Variants in DTNB observed in about 807,000 individuals in gnomAD.
DTNB encodes the protein DTN-B.
In DTNB, 63 loss-of-function variants were observed where a neutral mutation model predicts 90.7. That is an observed-to-expected ratio of 0.69 (90% CI 0.57 to 0.86). DTNB has a LOEUF of 0.86. Among genes scored for constraint, DTNB ranks in the 40% least tolerant of loss-of-function variants. The pLI is 0.00. For synonymous variants in DTNB, 277 were observed against 286.7 expected, an observed-to-expected ratio of 0.97 and a Z score of 0.34; for missense variants, 744 against 807.1, an observed-to-expected ratio of 0.92 and a Z score of 0.95.
intron 8 of DTNB, among the ~76,000 whole-genome samples, chr2:25,568,365 G>A (rs2059350512): frequency 6.6e-6 from 1 of 151,578 alleles, no homozygotes; most frequent in African/African-American, 2.4e-5. Context: ...TGGGAGGGAG[G>A]GAAGGAAGTA....
chr2:25,659,792 C>T (rs1398551827), intron 1 of DTNB, among the ~76,000 whole-genome samples: 1 of 151,904 alleles, frequency 6.6e-6, no homozygotes, highest in Non-Finnish European at 1.5e-5. Flanking sequence ...ATCTGCAAGC[C>T]CAATTCTACA....
intron 2 of DTNB, among the ~76,000 whole-genome samples, chr2:25,641,620 G>A (rs1216476614): frequency 6.6e-6 from 1 of 151,978 alleles, no homozygotes; most frequent in Non-Finnish European, 1.5e-5. Context: ...TGAGATATTG[G>A]CCCAAAGCTG....
chr2:25,474,293 T>TAAA (rs75986575), intron 10 of DTNB, among the ~76,000 whole-genome samples: 1 of 141,750 alleles, frequency 7.1e-6, no homozygotes, highest in Admixed American at 7.1e-5. Flanking sequence ...TTTTCTGTCT[T>TAAA]AAAAAAAAAA....
intron 2 of DTNB, among the ~76,000 whole-genome samples, chr2:25,642,507 C>T (rs978246272): frequency 1.5e-4 from 23 of 151,740 alleles, no homozygotes; most frequent in African/African-American, 5.1e-4. Context: ...CTTGACCTCT[C>T]GGGCTCAGGT....
Position 25,383,820 on chromosome 2 carries a change from G to A in DTNB, c.1879+16C>T, listed in dbSNP as rs751153504. 1 of 1,614,048 alleles carries A rather than the reference G, an allele frequency of 6.2e-7. No homozygotes were observed. Among genetic ancestry groups the A allele is most frequent in the Admixed American group, 1.7e-5 (1 of 60,032 alleles). On this transcript the variant is annotated intron_variant, in intron 19 of 20. Coordinates refer to ENST00000406818, the MANE Select transcript of DTNB (RefSeq NM_021907.5). The stretch of plus-strand genomic sequence containing the variant: ...GCTCCCCATTTAAACGAGCAGTCCT[G>A]CTGAGCTGCCTTTACCTCTGTCTTT...
chr2:25,432,242 CA>C (rs1411950874), intron 14 of DTNB, among the ~76,000 whole-genome samples: 18 of 149,170 alleles, frequency 1.2e-4, no homozygotes, highest in Admixed American at 2.7e-4. Flanking sequence ...CACACACACA[CA>C]CCCCTTTCTA....
intron 14 of DTNB, among the ~76,000 whole-genome samples, chr2:25,429,322 G>A (rs140664764): frequency 9.2e-5 from 14 of 152,202 alleles, no homozygotes; most frequent in South Asian, 4.1e-4. Flanking sequence ...TTATGTGCGT[G>A]GCCTGCATTT....
At chr2:25,659,412 C>T (rs1310893632) in intron 1 of DTNB, among the ~76,000 whole-genome samples, 2 of 150,796 alleles carry the variant, frequency 1.3e-5, no homozygotes, top group Non-Finnish European at 3.0e-5. Context: ...GACCATAATG[C>T]ATTGAAACTA....
chr2:25,566,362 T>C (rs967975163), intron 8 of DTNB, among the ~76,000 whole-genome samples: 1 of 152,190 alleles, frequency 6.6e-6, no homozygotes, highest in African/African-American at 2.4e-5. Context: ...CAGCCTCAAC[T>C]GACACTTCGA....
chr2:25,508,681 T>C (rs1204960357), intron 9 of DTNB, among the ~76,000 whole-genome samples: 1 of 151,990 alleles, frequency 6.6e-6, no homozygotes, highest in African/African-American at 2.4e-5. Context: ...ATTACAGGTG[T>C]GCACCACCAC....
rs755650361 is a variant in DTNB at position 25,387,247 on chromosome 2, G to T, written c.1825+42C>A. 11 of 1,588,094 alleles carry T rather than the reference G, an allele frequency of 6.9e-6. No homozygotes were observed. Among genetic ancestry groups the T allele is most frequent in the Non-Finnish European group, 9.5e-6 (11 of 1,161,500 alleles). On this transcript the variant is annotated intron_variant, in intron 18 of 20. Transcript: ENST00000406818. The surrounding 1 kb of genome is among the most constrained non-coding windows in gnomAD (Gnocchi z 4.5). ...AGGAAGTGAGAAGGGCGCGGGCAAG[G>T]CAGGGGAGGCCAGGAAGCTGGCTGG...
chr2:25,607,490 C>T (rs1293606634), intron 4 of DTNB, among the ~76,000 whole-genome samples, 169 bp from the exon 5 acceptor site: 2 of 151,602 alleles, frequency 1.3e-5, no homozygotes, highest in East Asian at 3.9e-4. Flanking sequence ...AGAATTAAGA[C>T]TTCACCTATG....
intron 8 of DTNB, among the ~76,000 whole-genome samples, chr2:25,565,525 G>A (rs1171692666): frequency 6.6e-6 from 1 of 152,116 alleles, no homozygotes. Context: ...GATTAAAGGT[G>A]TGAGCCACTC....
chr2:25,625,307 G>A (rs890135787), intron 4 of DTNB, among the ~76,000 whole-genome samples: 5 of 152,168 alleles, frequency 3.3e-5, no homozygotes, highest in Admixed American at 1.3e-4. Context: ...AGTATTTAAC[G>A]ACAAAATGCC....
At chr2:25,482,770 A>G (rs1159329097) in intron 10 of DTNB, 26 bp downstream of exon 10, 1 of 1,612,304 alleles carries the variant, frequency 6.2e-7, no homozygotes, top group Non-Finnish European at 8.5e-7. Context: ...GCCAACACCC[A>G]AGTCGAAGGC....
intron 9 of DTNB, among the ~76,000 whole-genome samples, chr2:25,491,474 C>T (rs2067449551): frequency 6.6e-6 from 1 of 152,092 alleles, no homozygotes. Context: ...ATTTGTTGCC[C>T]ATGAGTCAGC....
intron 4 of DTNB, among the ~76,000 whole-genome samples, chr2:25,609,720 A>G (rs2148537509): frequency 6.6e-6 from 1 of 151,226 alleles, no homozygotes; most frequent in East Asian, 1.9e-4. Context: ...AATTAAAAAT[A>G]CCAAGGCTTA....
intron 8 of DTNB, among the ~76,000 whole-genome samples, chr2:25,559,722 C>T (rs1281252032): frequency 2.0e-5 from 3 of 152,160 alleles, no homozygotes; most frequent in Admixed American, 6.5e-5. Context: ...ACAAAATTAA[C>T]TTAAGAATCT....
intron 9 of DTNB, among the ~76,000 whole-genome samples, chr2:25,527,677 A>G (rs1458296586): frequency 6.6e-6 from 1 of 152,192 alleles, no homozygotes; most frequent in Non-Finnish European, 1.5e-5. Flanking sequence ...AATTCCTACC[A>G]ATACAAAATA....
Sources: allele counts gnomAD v4.1 joint callset (sites outside exome capture counted in the v4.1 genomes callset), GRCh38; gene constraint gnomAD v4.1.1; non-coding constraint Gnocchi (gnomAD v3.1); transcripts MANE v1.5; gene names NCBI Gene and HGNC (gene_info 2026-07-23, HGNC 2026-07-21).